CLIP2: variants seen among roughly 807,000 people sequenced by gnomAD.
The protein encoded by CLIP2 is CAP-Gly domain containing linker protein 2.
In CLIP2, 41 loss-of-function variants were observed where a neutral mutation model predicts 111.7. That is an observed-to-expected ratio of 0.37 (90% CI 0.29 to 0.48). The LOEUF is 0.48. CLIP2 is among the 20% of genes least tolerant of loss of function. The probability of loss-of-function intolerance (pLI) is 0.99; values close to 1 mark genes in which losing one functional copy is unlikely to be tolerated. For missense variants in CLIP2, 1,160 were observed against 1,422.1 expected (o/e 0.82, Z 2.96); for synonymous variants, 660 against 644.2 (o/e 1.02, Z -0.37).
intron 6 of CLIP2, 45 bp from the exon 7 acceptor site, chr7:74,360,129 AC>A: frequency 1.3e-6 from 2 of 1,498,098 alleles, no homozygotes; most frequent in South Asian, 2.4e-5. Context: ...TGGACCCCAT[AC>A]CCCGGAGCAT....
chr7:74,379,998 A>G (rs1790897703), intron 10 of CLIP2: 1 of 152,144 alleles, frequency 6.6e-6, no homozygotes, highest in Non-Finnish European at 1.5e-5. Flanking sequence ...TGCATCGTAT[A>G]TAAATTATGA....
chr7:74,298,358 T>G lies in CLIP2; in HGVS notation c.-68+8624T>G, dbSNP rs1401236495. Among the ~76,000 whole-genome samples, 32 of 37,240 alleles carry G rather than the reference T, an allele frequency of 8.6e-4. No individual in the cohort carries two copies. The East Asian group carries it at 0.021, about 25-fold the overall frequency. 24.4% of individuals were successfully genotyped at this position (37,240 alleles called of 152,430 possible). ...CTACCACCACACCCTGCTAATTGGT[T>G]TTTTTTTTTTTTTTTTTGTATTTTT... On this transcript the variant is annotated intron_variant, in intron 1 of 16. Coordinates refer to ENST00000223398, the MANE Select transcript of CLIP2 (RefSeq NM_003388.5).
chr7:74,348,218 T>G (rs1554306767), intron 3 of CLIP2, among the ~76,000 whole-genome samples: 1 of 151,796 alleles, frequency 6.6e-6, no homozygotes, highest in East Asian at 1.9e-4. Context: ...GAGAACCTAT[T>G]TACAGAAAAG....
At chr7:74,324,341 A>T (rs1473795470) in intron 2 of CLIP2, among the ~76,000 whole-genome samples, 1 of 151,942 alleles carries the variant, frequency 6.6e-6, no homozygotes, top group African/African-American at 2.4e-5. Context: ...TTCTCATCTT[A>T]TTGCATCCTA....
chr7:74,396,012 G>A (rs1791436952), intron 13 of CLIP2, among the ~76,000 whole-genome samples: 1 of 152,156 alleles, frequency 6.6e-6, no homozygotes. Context: ...GATTTCCACT[G>A]TTCTCTACCC....
At chr7:74,365,908 C>T (rs1790461994) in intron 8 of CLIP2, among the ~76,000 whole-genome samples, 1 of 152,094 alleles carries the variant, frequency 6.6e-6, no homozygotes, top group Non-Finnish European at 1.5e-5. Flanking sequence ...CGTGTGCCAC[C>T]ACACCCAGCT....
At chr7:74,386,042 T>G (rs1369143081) in intron 11 of CLIP2, among the ~76,000 whole-genome samples, 2 of 120,660 alleles carry the variant, frequency 1.7e-5, no homozygotes, top group African/African-American at 5.8e-5. Context: ...TCGCCCAGCC[T>G]CTTTTTTTTT....
At chr7:74,384,468 T>C (rs1791028588) in intron 11 of CLIP2, among the ~76,000 whole-genome samples, 2 of 126,282 alleles carry the variant, frequency 1.6e-5, no homozygotes, top group East Asian at 2.6e-4. Flanking sequence ...TTTTTTGAGA[T>C]GGAGTCTCAC....
Position 74,360,220 on chromosome 7 carries a change from G to C in CLIP2, c.1261G>C (p.Val421Leu). ...GAAGCTGCAGCGAGCCCGGCTGCTC[G>C]TGGAGAGCGTGCGGAAAGAGAAGGT... ...EEKLQRARLL[V>L]ESVRKEKVDL... Residue 421 changes from valine (V) to leucine (L), a missense_variant, in exon 7 of 17, where the codon GTG (valine) becomes CTG (leucine). Val to Leu is a conservative substitution (Grantham distance 32, BLOSUM62 1). Around this residue, in one of 5 missense-constraint regions of CLIP2, gnomAD observed 70 missense variants for 114.9 expected, o/e 0.61. Transcript: ENST00000223398. The C allele has an allele frequency of 6.2e-7, 1 of 1,608,094 alleles. No homozygotes were observed. Among genetic ancestry groups the C allele is most frequent in the Non-Finnish European group, 8.5e-7 (1 of 1,177,474 alleles).
Position 74,357,294 on chromosome 7 carries a change from T to C in CLIP2, c.1032T>C (p.Ser344=), listed in dbSNP as rs782759566. Residue 344 remains serine, a synonymous_variant, in exon 6 of 17, where the codon TCT becomes TCC. Coordinates refer to ENST00000223398, the MANE Select transcript of CLIP2 (RefSeq NM_003388.5). Reference sequence around the variant, plus strand: ...CCTTCCTGCAGCTCACGGAGACCTCTTCACGCTACGCCCGCAAGATCTCGG... The same window carrying C: ...CCTTCCTGCAGCTCACGGAGACCTCCTCACGCTACGCCCGCAAGATCTCGG... ...PSRSGLLTET[S]SRYARKISGT... 2.5e-6 allele frequency: 4 copies of C among 1,613,852 alleles called. No homozygotes were observed. The African/African-American group carries it at 4.0e-5, about 16-fold the overall frequency.
intron 4 of CLIP2, among the ~76,000 whole-genome samples, chr7:74,354,274 T>C (rs1790090435): frequency 6.6e-6 from 1 of 152,076 alleles, no homozygotes; most frequent in Non-Finnish European, 1.5e-5. Context: ...GTCCCCGTGT[T>C]CTCTTCTTTG....
chr7:74,397,555 A>T (rs2116707167), intron 14 of CLIP2, among the ~76,000 whole-genome samples: 1 of 151,950 alleles, frequency 6.6e-6, no homozygotes, highest in East Asian at 1.9e-4. Context: ...ACCACAAGCC[A>T]GTTCCTTGCT....
intron 8 of CLIP2, among the ~76,000 whole-genome samples, chr7:74,369,338 G>T (rs1790542694): frequency 6.6e-6 from 1 of 151,020 alleles, no homozygotes; most frequent in Non-Finnish European, 1.5e-5. Context: ...GCAACAGAGT[G>T]AGACTCTGTC....
chr7:74,347,552 G>C (rs188981872), intron 3 of CLIP2, among the ~76,000 whole-genome samples: 11 of 152,156 alleles, frequency 7.2e-5, no homozygotes, highest in African/African-American at 2.4e-4. Context: ...ACAGGCGTGA[G>C]CCACCGCGTC....
At chr7:74,323,535 C>T (rs1033413209) in intron 2 of CLIP2, among the ~76,000 whole-genome samples, 1 of 151,652 alleles carries the variant, frequency 6.6e-6, no homozygotes, top group African/African-American at 2.4e-5. Flanking sequence ...TCAAGCAATT[C>T]TCCTGCCTCA....
intron 3 of CLIP2, among the ~76,000 whole-genome samples, chr7:74,347,361 C>CG (rs1789824783): frequency 6.6e-6 from 1 of 152,176 alleles, no homozygotes; most frequent in African/African-American, 2.4e-5. Context: ...CTCCGCCTCC[C>CG]GGGTTCACGC....
intron 3 of CLIP2, among the ~76,000 whole-genome samples, chr7:74,347,423 C>T (rs1789827854): frequency 6.6e-6 from 1 of 152,170 alleles, no homozygotes; most frequent in Admixed American, 6.6e-5. Context: ...TGCCCGCCAC[C>T]ACGCCTGGCT....
intron 3 of CLIP2, among the ~76,000 whole-genome samples, chr7:74,349,430 A>AG (rs1789906777): frequency 2.6e-5 from 1 of 38,550 alleles, no homozygotes; most frequent in Admixed American, 3.1e-4. Flanking sequence ...ACTCTGTCTC[A>AG]AAAAAAAAAA....
intron 16 of CLIP2, among the ~76,000 whole-genome samples, chr7:74,402,330 A>G (rs1554317836): frequency 7.2e-6 from 1 of 138,966 alleles, no homozygotes; most frequent in African/African-American, 2.8e-5. Flanking sequence ...ACTCCATCTC[A>G]AAAAAAAAAA....
Sources: gnomAD v4.1 joint callset for allele counts (sites outside exome capture counted in the v4.1 genomes callset) on GRCh38, gnomAD v4.1.1 for gene constraint, gnomAD v4.1.1 regional missense constraint, MANE v1.5 for transcripts, NCBI Gene and HGNC (gene_info 2026-07-23, HGNC 2026-07-21) for gene names.